The following ASXL2 variants were observed in gnomAD, a reference collection of about 807,000 sequenced individuals.
ASXL2 encodes the protein putative Polycomb group protein ASXL2.
Under a neutral mutation model 122.0 loss-of-function variants are expected in ASXL2, and 23 were observed. That is an observed-to-expected ratio of 0.19 (90% confidence interval 0.14 to 0.27). The LOEUF is 0.27. ASXL2 is among the 10% of genes least tolerant of loss of function. The pLI is 1.00. For missense variants in ASXL2, 1,518 were observed against 1,713.8 expected (o/e 0.89, Z 2.02); for synonymous variants, 650 against 637.0 (o/e 1.02, Z -0.31).
chr2:25,755,517 T>C (rs1231087537), intron 10 of ASXL2, among the ~76,000 whole-genome samples: 4 of 152,248 alleles, frequency 2.6e-5, no homozygotes. Flanking sequence ...TTCAAATGGC[T>C]GAATTTTATA....
At position 25,750,084 on chromosome 2, in the gene ASXL2, T is replaced by C; in HGVS notation, c.1472A>G (p.Gln491Arg). 6.2e-7 allele frequency: 1 copy of C among 1,614,020 alleles called. No individual in the cohort carries two copies. Among genetic ancestry groups the C allele is most frequent in the South Asian group, 1.1e-5 (1 of 91,080 alleles). Residue 491 changes from glutamine to arginine, a missense_variant, in exon 12 of 13, where the codon CAG becomes CGG. Gln to Arg is a conservative substitution (Grantham distance 43). Transcript: ENST00000435504. ...CTGTTCAGCAGAGGTGACTGGCTTCTGCTCCAAGAGATCCTCATCCTTTGG... is the reference window on the plus strand; with the variant it reads ...CTGTTCAGCAGAGGTGACTGGCTTCCGCTCCAAGAGATCCTCATCCTTTGG... ...KCPKDEDLLE[Q>R]KPVTSAEQES...
At chr2:25,855,061 C>T (rs1291820104) in intron 1 of ASXL2, among the ~76,000 whole-genome samples, 1 of 152,230 alleles carries the variant, frequency 6.6e-6, no homozygotes, top group Non-Finnish European at 1.5e-5. Flanking sequence ...GCCACCTTCG[C>T]TCATGCTGCT....
rs1553705441 is a variant in ASXL2 at position 25,849,064 on chromosome 2, C to CATATACATATATATATATATATATATAT, written c.58-3502_58-3501insATATATATATATATATATATATGTATAT. Among the ~76,000 whole-genome samples, 4 of 86,502 alleles carry CATATACATATATATATATATATATATAT rather than the reference C, an allele frequency of 4.6e-5. No homozygotes were observed. In the Admixed American group the frequency reaches 4.7e-4, roughly 10 times the overall value. The allele number at this position is 86,502 out of a possible 152,430, so 56.7% of individuals were successfully genotyped here. ...CCGTCTCAAAAAAAAAAAAAATTTA[C>CATATACATATATATATATATATATATAT]ATATATATATATGGAATATTTATTT... On this transcript the variant is annotated intron_variant, in intron 1 of 12. Coordinates refer to ENST00000435504, the MANE Select transcript of ASXL2 (RefSeq NM_018263.6).
intron 11 of ASXL2, among the ~76,000 whole-genome samples, chr2:25,751,492 G>C (rs2088044473): frequency 6.6e-6 from 1 of 152,042 alleles, no homozygotes. Flanking sequence ...TAATTAGCTG[G>C]GTGTGGTGGC....
chr2:25,763,671 G>A (rs2088291859), intron 8 of ASXL2, among the ~76,000 whole-genome samples: 1 of 152,056 alleles, frequency 6.6e-6, no homozygotes, highest in African/African-American at 2.4e-5. Context: ...CTTACATAGG[G>A]CTTCCTAAGT....
chr2:25,743,927 C>T lies in ASXL2; in HGVS notation c.2410G>A (p.Glu804Lys), dbSNP rs760941065. The T allele has an allele frequency of 1.9e-6, 3 of 1,613,852 alleles. No individual in the cohort carries two copies. The highest frequency in any genetic ancestry group is 2.5e-6 in the Non-Finnish European group (3 of 1,179,884). Residue 804 changes from glutamate (E) to lysine (K), a missense_variant, in exon 13 of 13, where the codon GAA (glutamate) becomes AAA (lysine). Coordinates refer to ENST00000435504, the MANE Select transcript of ASXL2 (RefSeq NM_018263.6). Reference protein sequence around the residue: ...SPAHIEKLDNEKLNPTRATAT... With the variant: ...SPAHIEKLDNKKLNPTRATAT... ...GTTGCTCTGGTGGGGTTCAGTTTTT[C>T]ATTATCCAATTTCTCTATGTGGGCT... is the stretch of plus-strand genomic sequence containing the variant.
chr2:25,828,874 T>G, intron 3 of ASXL2, among the ~76,000 whole-genome samples: 1 of 146,238 alleles, frequency 6.8e-6, no homozygotes, highest in Non-Finnish European at 1.5e-5. Context: ...ATCTCCTGAG[T>G]GCAGCAGAAA....
chr2:25,759,658 A>G lies in ASXL2; in HGVS notation c.776-13T>C, dbSNP rs763256164. 1 of 1,602,172 alleles carries G rather than the reference A, an allele frequency of 6.2e-7. No individual in the cohort carries two copies. Among genetic ancestry groups the G allele is most frequent in the Non-Finnish European group, 8.5e-7 (1 of 1,171,036 alleles). ...CTTTTCATTTGTCCTACAAAAACAGAGAAGAATCGTTTGGGCCTCCCTCAC... is the reference window on the plus strand; with the variant it reads ...CTTTTCATTTGTCCTACAAAAACAGGGAAGAATCGTTTGGGCCTCCCTCAC... On this transcript the variant is annotated splice_polypyrimidine_tract_variant and intron_variant, in intron 8 of 12. Transcript: ENST00000435504.
intron 3 of ASXL2, among the ~76,000 whole-genome samples, chr2:25,821,769 T>C (rs2089313938): frequency 6.6e-6 from 1 of 152,184 alleles, no homozygotes; most frequent in Non-Finnish European, 1.5e-5. Context: ...AATATCCACT[T>C]ATCAAATAAG....
chr2:25,824,021 C>A (rs774145607), intron 3 of ASXL2, among the ~76,000 whole-genome samples: 7 of 152,076 alleles, frequency 4.6e-5, no homozygotes, highest in Non-Finnish European at 7.4e-5. Flanking sequence ...ATTGTAGATG[C>A]ACTTTGCAGC....
At chr2:25,776,239 T>C (rs767862855) in intron 5 of ASXL2, among the ~76,000 whole-genome samples, 10 of 152,222 alleles carry the variant, frequency 6.6e-5, no homozygotes, top group Non-Finnish European at 1.3e-4. Context: ...CTCTTAGGGA[T>C]ATTTCATATA....
At chr2:25,865,210 C>A (rs1156251490) in intron 1 of ASXL2, among the ~76,000 whole-genome samples, 1 of 148,784 alleles carries the variant, frequency 6.7e-6, no homozygotes, top group African/African-American at 2.5e-5. Flanking sequence ...GTGGGTGGCT[C>A]ACTTGAGGCC....
rs762584523 is a variant in ASXL2, at chr2:25,737,326, T to C, written c.*4703A>G. 1 of 151,928 alleles carries C rather than the reference T, an allele frequency of 6.6e-6. No individual in the cohort carries two copies. Among genetic ancestry groups the C allele is most frequent in the Non-Finnish European group, 1.5e-5 (1 of 67,952 alleles). The allele number at this position is 151,928 out of a possible 1,614,324, so 9.4% of individuals were successfully genotyped here. On this transcript the variant is annotated 3_prime_UTR_variant, in exon 13 of 13. Coordinates refer to ENST00000435504, the MANE Select transcript of ASXL2 (RefSeq NM_018263.6). Reference sequence around the variant, plus strand: ...ACCACTGTGGAGAAAGGAAAACCTATTTTTTCCCCCGAGATATTTCCTTAC... The same window carrying C: ...ACCACTGTGGAGAAAGGAAAACCTACTTTTTCCCCCGAGATATTTCCTTAC...
Position 25,743,771 on chromosome 2 carries a change from C to T in ASXL2, c.2566G>A (p.Glu856Lys), listed in dbSNP as rs1262466888. The T allele has an allele frequency of 7.4e-6, 12 of 1,613,996 alleles. 1 individual carries two copies. In the South Asian group the frequency reaches 1.3e-4, roughly 18 times the overall value. ...PVHCAADGTV[E>K]LKAGPSKNIP... Reference sequence around the variant, plus strand: ...TTCTTACTAGGACCTGCTTTGAGCTCAACTGTGCCATCAGCTGCACAATGA... The same window carrying T: ...TTCTTACTAGGACCTGCTTTGAGCTTAACTGTGCCATCAGCTGCACAATGA... Residue 856 changes from glutamate (E) to lysine (K), a missense_variant, in exon 13 of 13, where the codon GAG becomes AAG. Coordinates refer to ENST00000435504, the MANE Select transcript of ASXL2 (RefSeq NM_018263.6).
intron 1 of ASXL2, among the ~76,000 whole-genome samples, chr2:25,873,177 T>C (rs1574458429): frequency 6.6e-6 from 1 of 152,092 alleles, no homozygotes; most frequent in African/African-American, 2.4e-5. Flanking sequence ...TCAGTGTTTC[T>C]CAAGTTTTAG....
chr2:25,871,677 C>T (rs1237423001), intron 1 of ASXL2, among the ~76,000 whole-genome samples: 1 of 152,158 alleles, frequency 6.6e-6, no homozygotes, highest in South Asian at 2.1e-4. Flanking sequence ...CCGCAACCTC[C>T]GCCTCCCGGG....
chr2:25,803,537 T>G (rs564617831), intron 4 of ASXL2, among the ~76,000 whole-genome samples: 1 of 151,868 alleles, frequency 6.6e-6, no homozygotes, highest in Non-Finnish European at 1.5e-5. Flanking sequence ...CAGAATGGAG[T>G]TGAATTACAG....
At chr2:25,869,235 G>C (rs1170866134) in intron 1 of ASXL2, among the ~76,000 whole-genome samples, 2 of 152,018 alleles carry the variant, frequency 1.3e-5, no homozygotes, top group Admixed American at 6.6e-5. Flanking sequence ...AGAGGCTGGG[G>C]TGGGAGGATC....
At chr2:25,800,364 G>A (rs2088977216) in intron 4 of ASXL2, among the ~76,000 whole-genome samples, 1 of 152,126 alleles carries the variant, frequency 6.6e-6, no homozygotes, top group Admixed American at 6.5e-5. Context: ...GTACCACTAT[G>A]TACTCTGAAT....
Sources: gnomAD v4.1 joint callset for allele counts (sites outside exome capture counted in the v4.1 genomes callset) on GRCh38, gnomAD v4.1.1 for gene constraint, MANE v1.5 for transcripts, NCBI Gene and HGNC (gene_info 2026-07-23, HGNC 2026-07-21) for gene names.